Variants in DOCK1 observed in about 807,000 individuals in gnomAD.
The protein encoded by DOCK1 is dedicator of cytokinesis protein 1.
Under a neutral mutation model 262.7 loss-of-function variants are expected in DOCK1, and 138 were observed. The ratio of observed to expected loss-of-function variants is 0.53; its 90% CI spans 0.46 to 0.61. The LOEUF (loss-of-function observed/expected upper bound fraction) is 0.61, where lower values mean the gene tolerates loss of function less well. Among genes scored for constraint, DOCK1 ranks in the 20% least tolerant of loss-of-function variants. The pLI, the probability that DOCK1 is intolerant of heterozygous loss-of-function variation, is 0.00. For missense variants in DOCK1, 1,908 were observed against 2,370.7 expected (o/e 0.80, Z 4.05); for synonymous variants, 866 against 867.4 (o/e 1.00, Z 0.03).
chr10:127,114,524 T>C (rs191902637), intron 25 of DOCK1, among the ~76,000 whole-genome samples: 2 of 152,228 alleles, frequency 1.3e-5, no homozygotes, highest in African/African-American at 4.8e-5. Flanking sequence ...CTGAGCAGTT[T>C]TATAAAATCA....
At chr10:127,327,362 C>T (rs896832454) in intron 29 of DOCK1, among the ~76,000 whole-genome samples, 2 of 152,222 alleles carry the variant, frequency 1.3e-5, no homozygotes, top group African/African-American at 4.8e-5. Flanking sequence ...GCTTCTCCAT[C>T]AGCACTTTCT....
At chr10:127,434,656 CTTT>C (rs34630603) in intron 48 of DOCK1, among the ~76,000 whole-genome samples, 4 of 143,342 alleles carry the variant, frequency 2.8e-5, no homozygotes, top group Admixed American at 7.0e-5. Flanking sequence ...TGTCTACTTT[CTTT>C]TTTTTTTTTT....
chr10:127,123,134 T>C (rs1191509655), intron 25 of DOCK1, among the ~76,000 whole-genome samples: 2 of 152,206 alleles, frequency 1.3e-5, no homozygotes, highest in African/African-American at 4.8e-5. Context: ...TTCCCTCTCT[T>C]GGGTCCGTCC....
Position 127,357,035 on chromosome 10 carries a change from A to G in DOCK1, c.3283+2308A>G, listed in dbSNP as rs115375322. ...AGCGGAGGGTCTGATGGGTCATTAC[A>G]TACTGAAATGCTTCCTTCTCCCCGT... On this transcript the variant is annotated intron_variant, in intron 32 of 51. Transcript: ENST00000623213. 4.9e-3 allele frequency among the ~76,000 whole-genome samples: 740 copies of G among 152,176 alleles called. 5 individuals are homozygous for G. Among genetic ancestry groups the G allele is most frequent in the African/African-American group, 0.017 (694 of 41,520 alleles).
At position 126,996,868 on chromosome 10, in the gene DOCK1, G is replaced by T; in HGVS notation, c.594G>T (p.Arg198Ser). 3 of 1,595,692 alleles carry T rather than the reference G, an allele frequency of 1.9e-6. No individual in the cohort carries two copies. Among genetic ancestry groups the T allele is most frequent in the Non-Finnish European group, 2.6e-6 (3 of 1,173,526 alleles). Residue 198 changes from arginine (R) to serine (S), a missense_variant, in exon 7 of 52, where the codon AGG (arginine) becomes AGT (serine). This residue lies in a region of DOCK1 where 227 missense variants were observed against 254.1 expected (regional missense o/e 0.89). Transcript: ENST00000623213. ...TAGCTTCTAAACAAGTGGAGGAAAGGTTACAAGAGGAAAAAGTAAGTTTGA... is the reference window on the plus strand; with the variant it reads ...TAGCTTCTAAACAAGTGGAGGAAAGTTTACAAGAGGAAAAAGTAAGTTTGA... ...HEIASKQVEERLQEEKSQKQN... is the reference protein window; with the variant it reads ...HEIASKQVEESLQEEKSQKQN...
At chr10:126,947,214 A>G (rs956512201) in intron 1 of DOCK1, among the ~76,000 whole-genome samples, 10 of 150,748 alleles carry the variant, frequency 6.6e-5, no homozygotes, top group Non-Finnish European at 1.5e-4. Flanking sequence ...TACCTCTGCC[A>G]TGATGATGGT....
chr10:126,913,952 G>A (rs2032173825), intron 1 of DOCK1, among the ~76,000 whole-genome samples: 1 of 152,116 alleles, frequency 6.6e-6, no homozygotes, highest in Admixed American at 6.6e-5. Flanking sequence ...AACCTCTTTG[G>A]GCCCTTCTGA....
chr10:126,956,066 G>GT (rs1411714386), intron 1 of DOCK1, among the ~76,000 whole-genome samples: 9 of 152,164 alleles, frequency 5.9e-5, no homozygotes, highest in Admixed American at 4.6e-4. Context: ...CCACTGTTCA[G>GT]TTTCGGTCTG....
At chr10:127,024,848 G>A in intron 15 of DOCK1, 65 bp downstream of exon 15, 1 of 1,391,008 alleles carries the variant, frequency 7.2e-7, no homozygotes, top group Non-Finnish European at 9.8e-7. Flanking sequence ...GTAACCCAAG[G>A]AAACATCCTA....
chr10:127,352,203 G>C (rs2386834), intron 31 of DOCK1, among the ~76,000 whole-genome samples: 3,674 of 115,218 alleles, frequency 0.032, 92 homozygotes, highest in Non-Finnish European at 0.045. Context: ...AGCAGCATCC[G>C]GGAGAGGTGG....
chr10:127,400,697 G>A (rs1336643967), intron 38 of DOCK1, among the ~76,000 whole-genome samples: 4 of 147,408 alleles, frequency 2.7e-5, no homozygotes, highest in Non-Finnish European at 3.0e-5. Context: ...AGTAAGCTGG[G>A]AAAAGCCAAA....
chr10:127,010,324 G>A (rs190854712), intron 11 of DOCK1, among the ~76,000 whole-genome samples: 110 of 152,226 alleles, frequency 7.2e-4, no homozygotes, highest in African/African-American at 2.5e-3. Context: ...AAAATTAGCC[G>A]GGTGTGGCGG....
chr10:127,429,791 T>C (rs1040900470), intron 47 of DOCK1, among the ~76,000 whole-genome samples: 3 of 151,264 alleles, frequency 2.0e-5, no homozygotes, highest in Admixed American at 2.0e-4. Context: ...ACGTTCGGCA[T>C]TGGCCCCCGT....
At chr10:127,392,628 G>A (rs1019143951) in intron 38 of DOCK1, among the ~76,000 whole-genome samples, 15 of 152,220 alleles carry the variant, frequency 9.9e-5, no homozygotes, top group South Asian at 6.2e-4. Flanking sequence ...GAAGGTGGCC[G>A]TCACCCAGAC....
At chr10:127,104,292 A>AT (rs1219826512) in intron 23 of DOCK1, among the ~76,000 whole-genome samples, 2 of 152,126 alleles carry the variant, frequency 1.3e-5, no homozygotes, top group East Asian at 3.8e-4. Flanking sequence ...CAATTTATCA[A>AT]TTTTTTCTTT....
intron 1 of DOCK1, among the ~76,000 whole-genome samples, chr10:126,922,288 C>G (rs1028496809): frequency 2.0e-5 from 3 of 149,092 alleles, no homozygotes; most frequent in Non-Finnish European, 4.4e-5. Context: ...AGTCATGGTG[C>G]TGGCATCTGC....
chr10:127,252,822 A>T (rs1435157870), intron 28 of DOCK1, among the ~76,000 whole-genome samples: 1 of 152,036 alleles, frequency 6.6e-6, no homozygotes, highest in Non-Finnish European at 1.5e-5. Flanking sequence ...AGGTAGTGTG[A>T]TGCCTCCAGC....
Position 127,404,360 on chromosome 10 carries a change from A to T in DOCK1, c.4053A>T (p.Lys1351Asn). The change falls in exon 40 of 52, where the codon AAA becomes AAT. Residue 1351 changes from lysine (K) to asparagine (N), a missense_variant. Lys to Asn is a moderately conservative substitution (Grantham distance 94). This residue lies in a region of DOCK1 where 267 missense variants were observed against 366.3 expected (regional missense o/e 0.73). Transcript: ENST00000623213. ...KQAQFYENIVKVIRPKPDYFA... is the reference protein window; with the variant it reads ...KQAQFYENIVNVIRPKPDYFA... ...CTCAGTTTTATGAAAACATCGTCAA[A>T]GTGATCAGGCCCAAGCCTGACTATT... 2 of 1,613,922 alleles carry T rather than the reference A, an allele frequency of 1.2e-6. No homozygotes were observed. The highest frequency in any genetic ancestry group is 1.7e-6 in the Non-Finnish European group (2 of 1,179,862).
intron 27 of DOCK1, among the ~76,000 whole-genome samples, chr10:127,186,398 G>C (rs564856279): frequency 9.2e-5 from 14 of 151,918 alleles, no homozygotes; most frequent in Admixed American, 9.2e-4. Context: ...ATGGTGGTGC[G>C]TGCCTGTAAT....
Sources: gnomAD v4.1 joint callset for allele counts (sites outside exome capture counted in the v4.1 genomes callset) on GRCh38, gnomAD v4.1.1 for gene constraint, gnomAD v4.1.1 regional missense constraint, MANE v1.5 for transcripts, NCBI Gene and HGNC (gene_info 2026-07-23, HGNC 2026-07-21) for gene names.